CSGALNACT2: variants seen among roughly 807,000 people sequenced by gnomAD.
The protein encoded by CSGALNACT2 is beta 4 GalNAcT-2.
In CSGALNACT2, 35 loss-of-function variants were observed where a neutral mutation model predicts 55.3. The ratio of observed to expected loss-of-function variants is 0.63; its 90% CI spans 0.48 to 0.84. The LOEUF (loss-of-function observed/expected upper bound fraction) is 0.84, where lower values mean the gene tolerates loss of function less well. Ranked by LOEUF, CSGALNACT2 falls within the 40% of genes least tolerant of loss-of-function variation. The pLI, the probability that CSGALNACT2 is intolerant of heterozygous loss-of-function variation, is 0.00. For synonymous variants in CSGALNACT2, 196 were observed against 224.9 expected (o/e 0.87, Z 1.15); for missense variants, 544 against 657.5 (o/e 0.83, Z 1.89).
intron 1 of CSGALNACT2, among the ~76,000 whole-genome samples, chr10:43,145,246 G>A (rs553387022): frequency 2.0e-5 from 3 of 152,180 alleles, no homozygotes; most frequent in Non-Finnish European, 4.4e-5. Flanking sequence ...CCAAAGGAAT[G>A]CAAGTGGAAG....
At chr10:43,163,663 T>G (rs1236680518) in intron 4 of CSGALNACT2, 1 of 985,360 alleles carries the variant, frequency 1.0e-6, no homozygotes, top group African/African-American at 1.7e-5. Context: ...CACCAACATG[T>G]GCCTCAAATT....
chr10:43,177,803 A>G (rs1191500941), intron 7 of CSGALNACT2, among the ~76,000 whole-genome samples: 1 of 152,254 alleles, frequency 6.6e-6, no homozygotes, highest in Non-Finnish European at 1.5e-5. Context: ...GCTGGGTCAT[A>G]TGGTAATCCT....
In CSGALNACT2 at chr10:43,149,507, T is replaced by C. The variant is rs192391960; in HGVS notation, c.-253-5390T>C. ...GATATGGTATATTGCATTAATTGAT[T>C]TTCAGATGTTAAACCAACCTTGCAG... On this transcript the variant is annotated intron_variant, in intron 1 of 7. Coordinates refer to ENST00000374466, the MANE Select transcript of CSGALNACT2 (RefSeq NM_018590.5). Among the ~76,000 whole-genome samples the C allele has an allele frequency of 4.6e-5, 7 of 152,340 alleles. No individual in the cohort carries two copies. In the East Asian group the frequency reaches 1.3e-3, roughly 29 times the overall value.
intron 1 of CSGALNACT2, among the ~76,000 whole-genome samples, chr10:43,152,862 C>T (rs1403568420): frequency 6.6e-6 from 1 of 151,954 alleles, no homozygotes; most frequent in Non-Finnish European, 1.5e-5. Context: ...AAACAGATAC[C>T]GCTAGGTTTA....
chr10:43,156,478 C>A (rs988609964), intron 2 of CSGALNACT2, among the ~76,000 whole-genome samples: 2 of 152,236 alleles, frequency 1.3e-5, no homozygotes, highest in African/African-American at 4.8e-5. Flanking sequence ...TTTACACTCA[C>A]TGCTAGACAT....
intron 1 of CSGALNACT2, among the ~76,000 whole-genome samples, chr10:43,153,929 A>T (rs1203630545): frequency 6.6e-6 from 1 of 152,192 alleles, no homozygotes; most frequent in Non-Finnish European, 1.5e-5. Context: ...GACTTGTAGG[A>T]AATCTGTTGA....
rs199602683 is a variant in CSGALNACT2, at chr10:43,155,379, G to A, written c.230G>A (p.Arg77His). Residue 77 changes from arginine to histidine, a missense_variant, in exon 2 of 8, where the codon CGC becomes CAC. Physicochemically the swap from Arg to His is conservative, Grantham distance 29. Around this residue, in one of 2 missense-constraint regions of CSGALNACT2, gnomAD observed 374 missense variants for 401.3 expected, o/e 0.93. Coordinates refer to ENST00000374466, the MANE Select transcript of CSGALNACT2 (RefSeq NM_018590.5). ...HYQTRATSLK[R>H]QIAQLKQELQ... ...CAGACCAGGGCAACCAGTCTGAAAC[G>A]CCAAATTGCCCAACTAAAACAAGAA... The A allele has an allele frequency of 1.2e-5, 20 of 1,614,134 alleles. No homozygotes were observed. The highest frequency in any genetic ancestry group is 8.0e-5 in the African/African-American group (6 of 75,034).
chr10:43,147,303 G>A (rs1358067911), intron 1 of CSGALNACT2, among the ~76,000 whole-genome samples: 1 of 151,788 alleles, frequency 6.6e-6, no homozygotes, highest in South Asian at 2.1e-4. Flanking sequence ...TTTATTTGAA[G>A]GGTTCAGGCC....
rs143865414 is a variant in CSGALNACT2, at chr10:43,170,716, A to G, written c.1254+3618A>G. Among the ~76,000 whole-genome samples, 11 of 152,354 alleles carry G rather than the reference A, an allele frequency of 7.2e-5. No homozygotes were observed. The East Asian group carries it at 2.1e-3, about 29-fold the overall frequency. Reference sequence around the variant, plus strand: ...ACTAGGGGACTCACTTTCAAAGAACATAGTATGGAAAGAAAAAACAAACTT... The same window carrying G: ...ACTAGGGGACTCACTTTCAAAGAACGTAGTATGGAAAGAAAAAACAAACTT... On this transcript the variant is annotated intron_variant, in intron 6 of 7. Transcript: ENST00000374466.
intron 7 of CSGALNACT2, among the ~76,000 whole-genome samples, chr10:43,180,569 A>G (rs1839571481): frequency 6.6e-6 from 1 of 152,194 alleles, no homozygotes; most frequent in South Asian, 2.1e-4. Context: ...CCAGCCTGAT[A>G]ATTCCAACAT....
At chr10:43,169,198 G>A (rs1300510695) in intron 6 of CSGALNACT2, among the ~76,000 whole-genome samples, 2 of 152,146 alleles carry the variant, frequency 1.3e-5, no homozygotes, top group Non-Finnish European at 2.9e-5. Flanking sequence ...TAATCTCCTT[G>A]ACTGTGACTG....
At chr10:43,178,762 G>A (rs1839532881) in intron 7 of CSGALNACT2, among the ~76,000 whole-genome samples, 1 of 151,738 alleles carries the variant, frequency 6.6e-6, no homozygotes, top group Non-Finnish European at 1.5e-5. Flanking sequence ...TCTATGGGAT[G>A]TGGAACTCAT....
chr10:43,185,135 A>C lies in CSGALNACT2; in HGVS notation c.*1593A>C, dbSNP rs1839670394. Reference sequence around the variant, plus strand: ...AAGTGAGAGAACTTAATTATTTGCAAAGGTAAGTTACAGCTTGTTTTTTGA... The same window carrying C: ...AAGTGAGAGAACTTAATTATTTGCACAGGTAAGTTACAGCTTGTTTTTTGA... On this transcript the variant is annotated 3_prime_UTR_variant, in exon 8 of 8. Transcript: ENST00000374466. The C allele has an allele frequency of 6.6e-6, 1 of 152,166 alleles. No individual in the cohort carries two copies. Among genetic ancestry groups the C allele is most frequent in the East Asian group, 1.9e-4 (1 of 5,208 alleles). The allele number at this position is 152,166 out of a possible 1,614,324, so 9.4% of individuals were successfully genotyped here. A position where few individuals can be genotyped will look rare whatever the true frequency, so the allele number is the denominator to read the frequency against.
chr10:43,144,802 T>C (rs745549909), intron 1 of CSGALNACT2, among the ~76,000 whole-genome samples: 3 of 152,200 alleles, frequency 2.0e-5, no homozygotes, highest in Non-Finnish European at 2.9e-5. Context: ...TATAATTCCT[T>C]CCTGGTACCA....
chr10:43,156,791 G>A (rs1839018283), intron 2 of CSGALNACT2, among the ~76,000 whole-genome samples: 1 of 152,252 alleles, frequency 6.6e-6, no homozygotes, highest in Non-Finnish European at 1.5e-5. Flanking sequence ...CCGACAGGAG[G>A]CGGAGCTCAG....
intron 2 of CSGALNACT2, among the ~76,000 whole-genome samples, chr10:43,157,835 C>T (rs1175214424): frequency 1.3e-5 from 2 of 151,974 alleles, no homozygotes; most frequent in Non-Finnish European, 2.9e-5. Flanking sequence ...TCAAGACCAT[C>T]CTGGCCAACA....
Position 43,147,014 on chromosome 10 carries a change from C to T in CSGALNACT2, c.-253-7883C>T, listed in dbSNP as rs1479528533. On this transcript the variant is annotated intron_variant, in intron 1 of 7. Coordinates refer to ENST00000374466, the MANE Select transcript of CSGALNACT2 (RefSeq NM_018590.5). ...TGTGGAGACGGGAGTCTCGCTCTGT[C>T]GCCCAGGCTGGAGTGCAGTGGCGGG... is the stretch of plus-strand genomic sequence containing the variant. 3.1e-5 allele frequency among the ~76,000 whole-genome samples: 3 copies of T among 97,316 alleles called. 1 individual carries two copies. The highest frequency in any genetic ancestry group is 1.2e-4 in the African/African-American group (3 of 24,190). The allele number at this position is 97,316 out of a possible 152,430, so 63.8% of individuals were successfully genotyped here.
In CSGALNACT2 at chr10:43,163,989, T is replaced by C. The variant is rs1169656065; in HGVS notation, c.1104T>C (p.Val368=). 2 of 1,614,048 alleles carry C rather than the reference T, an allele frequency of 1.2e-6. No homozygotes were observed. Among genetic ancestry groups the C allele is most frequent in the African/African-American group, 1.3e-5 (1 of 74,928 alleles). Residue 368 remains valine, a synonymous_variant, in exon 5 of 8, where the codon GTT becomes GTC. Coordinates refer to ENST00000374466, the MANE Select transcript of CSGALNACT2 (RefSeq NM_018590.5). ...KGEVLMFFCD[V]DIYFSAEFLN... is the part of the protein sequence containing the mutation. ...AGGTCTTGATGTTTTTCTGTGATGT[T>C]GATATCTATTTCTCAGCCGAATTCC...
chr10:43,154,957 G>T lies in CSGALNACT2; in HGVS notation c.-193G>T, dbSNP rs1399466291. The T allele has an allele frequency of 1.8e-6, 1 of 567,524 alleles. No homozygotes were observed. The highest frequency in any genetic ancestry group is 1.9e-5 in the African/African-American group (1 of 53,368). The allele number at this position is 567,524 out of a possible 1,614,324, so 35.2% of individuals were successfully genotyped here. ...AGATTGCTTTATTCTGGATATCATGGTAACAATACAGAAAGTATACATAAT... is the reference window on the plus strand; with the variant it reads ...AGATTGCTTTATTCTGGATATCATGTTAACAATACAGAAAGTATACATAAT... On this transcript the variant is annotated 5_prime_UTR_variant, in exon 2 of 8. Coordinates refer to ENST00000374466, the MANE Select transcript of CSGALNACT2 (RefSeq NM_018590.5).
Sources: allele counts gnomAD v4.1 joint callset (sites outside exome capture counted in the v4.1 genomes callset), GRCh38; gene constraint gnomAD v4.1.1; regional missense constraint gnomAD v4.1.1; transcripts MANE v1.5; gene names NCBI Gene and HGNC (gene_info 2026-07-23, HGNC 2026-07-21).